Variants in RSRP1 observed in about 807,000 individuals in gnomAD.
The protein encoded by RSRP1 is arginine and serine rich protein 1.
A neutral mutation model predicts 33.0 loss-of-function variants in RSRP1; 37 were observed. The observed-to-expected ratio is 1.12, with a 90% confidence interval of 0.86 to 1.48. The LOEUF is 1.48. RSRP1 is among the 40% of genes most tolerant of loss of function. The pLI is 0.00. For synonymous variants in RSRP1, 167 were observed against 158.7 expected (o/e 1.05, Z -0.40); for missense variants, 402 against 385.3 (o/e 1.04, Z -0.36).
intron 1 of RSRP1, among the ~76,000 whole-genome samples, chr1:25,263,872 G>T (rs919216849): frequency 6.6e-5 from 10 of 151,992 alleles, no homozygotes; most frequent in African/African-American, 2.4e-4. Context: ...ACAGGCATTG[G>T]GTAAATACAG....
At chr1:25,305,374 ATATTTATTTATT>A (rs34347122) in intron 1 of RSRP1, among the ~76,000 whole-genome samples, 1,769 of 106,790 alleles carry the variant, frequency 0.017, 289 homozygotes, top group African/African-American at 0.05. Context: ...AGGAGTCTGG[ATATTTATTTATT>A]TATTTATTTA....
rs533604408 is a variant in RSRP1, at chr1:25,270,000, C to T, written c.-66-22971G>A. Among the ~76,000 whole-genome samples the T allele has an allele frequency of 1.7e-4, 23 of 132,326 alleles. 4 individuals carry two copies. Among genetic ancestry groups the T allele is most frequent in the African/African-American group, 5.2e-4 (20 of 38,834 alleles). The allele number at this position is 132,326 out of a possible 152,430, so 86.8% of individuals were successfully genotyped here. A position where few individuals can be genotyped will look rare whatever the true frequency, so the allele number is the denominator to read the frequency against. Reference sequence around the variant, plus strand: ...TCATCTTGCTGACATCTGGTGCCCTCGGGCAGGTAGGTGCAGTTGGCTGCC... The same window carrying T: ...TCATCTTGCTGACATCTGGTGCCCTTGGGCAGGTAGGTGCAGTTGGCTGCC... On this transcript the variant is annotated intron_variant, in intron 1 of 1. Transcript: ENST00000561867.
At chr1:25,334,220 G>A (rs1189747560) in intron 1 of RSRP1, among the ~76,000 whole-genome samples, 1 of 131,226 alleles carries the variant, frequency 7.6e-6, no homozygotes, top group African/African-American at 2.6e-5. Context: ...ATTCCAAATG[G>A]GATAAATTGG....
chr1:25,260,762 G>C (rs1423431204), intron 1 of RSRP1, among the ~76,000 whole-genome samples: 3 of 151,552 alleles, frequency 2.0e-5, no homozygotes, highest in Admixed American at 6.6e-5. Context: ...TCCTCATAGA[G>C]CCTGTCCTCT....
chr1:25,274,283 G>A (rs1571563642), intron 1 of RSRP1, among the ~76,000 whole-genome samples: 1 of 132,086 alleles, frequency 7.6e-6, no homozygotes. Flanking sequence ...ATAGCACAGC[G>A]TATTTAAATT....
At chr1:25,312,919 C>CT (rs1288269238) in intron 1 of RSRP1, among the ~76,000 whole-genome samples, 261 of 3,626 alleles carry the variant, frequency 0.072, 53 homozygotes, top group Non-Finnish European at 0.23. Flanking sequence ...AATCCCATCT[C>CT]TAAAAAAAAA....
At chr1:25,286,535 C>A (rs1321357477) in intron 1 of RSRP1, among the ~76,000 whole-genome samples, 3 of 134,836 alleles carry the variant, frequency 2.2e-5, no homozygotes, top group African/African-American at 5.1e-5. Flanking sequence ...GCCTGTAATC[C>A]CAGCACTTTG....
chr1:25,308,494 A>C (rs2518077), intron 1 of RSRP1, among the ~76,000 whole-genome samples: 9 of 131,752 alleles, frequency 6.8e-5, no homozygotes, highest in African/African-American at 2.4e-4. Context: ...TTTTCTGGTA[A>C]AGGATTAACT....
chr1:25,287,998 C>T (rs1368443242), intron 1 of RSRP1, among the ~76,000 whole-genome samples: 1 of 132,970 alleles, frequency 7.5e-6, no homozygotes, highest in Non-Finnish European at 1.8e-5. Flanking sequence ...ACTGGGATTA[C>T]AGGCGTGAGC....
Position 25,266,729 on chromosome 1 carries a change from A to G in RSRP1, c.-66-19700T>C, listed in dbSNP as rs112553056. ...GACCCACATTTTTGACTGAAGTGAA[A>G]GGGGGTTCTGCTCCGCGACCACTTC... On this transcript the variant is annotated intron_variant, in intron 1 of 1. Transcript: ENST00000561867. 6.8e-4 allele frequency: 108 copies of G among 158,614 alleles called. 29 individuals carry two copies. Among genetic ancestry groups the G allele is most frequent in the Admixed American group, 2.6e-3 (49 of 18,894 alleles). The allele number at this position is 158,614 out of a possible 1,614,324, so 9.8% of individuals were successfully genotyped here. A position where few individuals can be genotyped will look rare whatever the true frequency, so the allele number is the denominator to read the frequency against.
chr1:25,282,000 A>C (rs1641524925), intron 1 of RSRP1, among the ~76,000 whole-genome samples: 1 of 132,382 alleles, frequency 7.6e-6, no homozygotes, highest in Admixed American at 7.4e-5. Context: ...CCAGGGCTGG[A>C]GACCAGTGGC....
At chr1:25,249,342 CTAATT>C (rs1164595827), upstream of RSRP1, among the ~76,000 whole-genome samples, 1 of 151,654 alleles carries the variant, frequency 6.6e-6, no homozygotes, top group Non-Finnish European at 1.5e-5. Flanking sequence ...CAGAAAAATC[CTAATT>C]TTTTTTTTTT....
rs1172854088 is a variant in RSRP1 at position 25,279,550 on chromosome 1, C to T, written c.-66-32521G>A. ...GCTCTGTGACTTGGACTAGTTATAG[C>T]ACCTCTCTGTGCCTCCCTTTCCCCA... On this transcript the variant is annotated intron_variant, in intron 1 of 1. Transcript: ENST00000561867. Among the ~76,000 whole-genome samples the T allele has an allele frequency of 3.1e-5, 4 of 128,522 alleles. 1 individual carries two copies. The highest frequency in any genetic ancestry group is 7.3e-5 in the Non-Finnish European group (4 of 55,106). The allele number at this position is 128,522 out of a possible 152,430, so 84.3% of individuals were successfully genotyped here.
At chr1:25,243,421 AATG>A in intron 4 of RSRP1, 126 bp downstream of exon 4, 1 of 1,207,950 alleles carries the variant, frequency 8.3e-7, no homozygotes, top group South Asian at 1.7e-5. Context: ...CTCAAAAACA[AATG>A]ATTTTAATTC....
chr1:25,281,129 A>C (rs1425084753), intron 1 of RSRP1, among the ~76,000 whole-genome samples: 1 of 132,768 alleles, frequency 7.5e-6, no homozygotes, highest in Non-Finnish European at 1.8e-5. Context: ...GAGAGAAGAA[A>C]GAGCTAGAGA....
Position 25,289,763 on chromosome 1 carries a change from G to A in RSRP1, c.-66-42734C>T, listed in dbSNP as rs1280793453. On this transcript the variant is annotated intron_variant, in intron 1 of 1. Transcript: ENST00000561867. ...TTCCAATGAACCCCACTAGCCTTGTGATATCACAGATATTCTTAGTTGACA... is the reference window on the plus strand; with the variant it reads ...TTCCAATGAACCCCACTAGCCTTGTAATATCACAGATATTCTTAGTTGACA... 3.9e-5 allele frequency among the ~76,000 whole-genome samples: 5 copies of A among 126,874 alleles called. 2 individuals are homozygous for A. Among genetic ancestry groups the A allele is most frequent in the African/African-American group, 1.4e-4 (5 of 36,536 alleles). 83.2% of individuals were successfully genotyped at this position (126,874 alleles called of 152,430 possible). A position where few individuals can be genotyped will look rare whatever the true frequency, so the allele number is the denominator to read the frequency against.
chr1:25,311,654 G>A (rs1411733865), intron 1 of RSRP1, among the ~76,000 whole-genome samples: 1 of 129,640 alleles, frequency 7.7e-6, no homozygotes, highest in Admixed American at 7.5e-5. Context: ...CCCATTACTG[G>A]CCCAGAGCTC....
intron 1 of RSRP1, among the ~76,000 whole-genome samples, chr1:25,271,014 T>C (rs1385466230): frequency 7.7e-6 from 1 of 130,372 alleles, no homozygotes; most frequent in Non-Finnish European, 1.8e-5. Context: ...CTAAACAGTC[T>C]ATCCTCTGTG....
chr1:25,304,364 C>T (rs559347649), intron 1 of RSRP1: 4 of 123,746 alleles, frequency 3.2e-5, no homozygotes, highest in South Asian at 2.5e-4. Context: ...TTTGGGAGGC[C>T]GAGGCGGGCA....
Sources: gnomAD v4.1 joint callset for allele counts (sites outside exome capture counted in the v4.1 genomes callset) on GRCh38, gnomAD v4.1.1 for gene constraint, MANE v1.5 for transcripts, NCBI Gene and HGNC (gene_info 2026-07-23, HGNC 2026-07-21) for gene names.